Variants in YAF2 observed in about 807,000 individuals in gnomAD.
YAF2 encodes YY1-associated factor 2.
Under a neutral mutation model 20.1 loss-of-function variants are expected in YAF2, and 7 were observed. That is an observed-to-expected ratio of 0.35 (90% confidence interval 0.20 to 0.65). The LOEUF is 0.65. Among genes scored for constraint, YAF2 ranks in the 30% least tolerant of loss-of-function variants. YAF2 has a pLI of 0.69. For missense variants in YAF2, 151 were observed against 219.2 expected, an observed-to-expected ratio of 0.69 and a Z score of 1.96; for synonymous variants, 74 against 76.0, an observed-to-expected ratio of 0.97 and a Z score of 0.14.
intron 2 of YAF2, chr12:42,205,845 T>C: frequency 5.0e-6 from 2 of 402,886 alleles, no homozygotes; most frequent in Non-Finnish European, 1.0e-5. Context: ...CCAAGTACCA[T>C]TTTTGTGCAT....
At chr12:42,168,278 A>C (rs2065962180) in intron 2 of YAF2, among the ~76,000 whole-genome samples, 1 of 150,398 alleles carries the variant, frequency 6.6e-6, no homozygotes, top group African/African-American at 2.5e-5. Context: ...TTGTGGGTTC[A>C]AGTGATTCTC....
chr12:42,201,861 C>T (rs1003287396), intron 2 of YAF2, among the ~76,000 whole-genome samples: 9 of 152,276 alleles, frequency 5.9e-5, no homozygotes, highest in Admixed American at 5.9e-4. Flanking sequence ...GTATGAGTTA[C>T]CACACCCAGC....
intron 2 of YAF2, among the ~76,000 whole-genome samples, chr12:42,203,456 C>G (rs910868042): frequency 6.6e-6 from 1 of 151,822 alleles, no homozygotes; most frequent in African/African-American, 2.4e-5. Context: ...AGAGATATAT[C>G]TGTCTTACCC....
chr12:42,181,761 A>G (rs2066347348), intron 2 of YAF2, among the ~76,000 whole-genome samples: 1 of 152,258 alleles, frequency 6.6e-6, no homozygotes, highest in South Asian at 2.1e-4. Flanking sequence ...CAAGGCTTCA[A>G]TGGAATGTGG....
intron 2 of YAF2, chr12:42,232,358 C>T (rs540675236): frequency 1.1e-6 from 1 of 890,138 alleles, no homozygotes; most frequent in Non-Finnish European, 1.3e-6. Context: ...TAGAAAGCTT[C>T]AACTAAAAAG....
chr12:42,170,960 A>T (rs1020739916), intron 2 of YAF2, among the ~76,000 whole-genome samples: 3 of 152,192 alleles, frequency 2.0e-5, no homozygotes, highest in Admixed American at 1.3e-4. Flanking sequence ...AGAGAGCACT[A>T]GAGCAACGTA....
At chr12:42,212,538 AAC>A (rs779223139) in intron 2 of YAF2, 110 of 378,690 alleles carry the variant, frequency 2.9e-4, no homozygotes, top group Admixed American at 9.9e-4. Context: ...TCTAGTAACT[AAC>A]TCACCACTGA....
At chr12:42,210,133 G>A (rs192540690) in intron 2 of YAF2, among the ~76,000 whole-genome samples, 2 of 152,186 alleles carry the variant, frequency 1.3e-5, no homozygotes, top group East Asian at 3.9e-4. Flanking sequence ...CAGCTATTAC[G>A]TAAATAAGAT....
intron 2 of YAF2, among the ~76,000 whole-genome samples, chr12:42,225,571 G>C (rs1156989056): frequency 1.3e-5 from 2 of 152,144 alleles, no homozygotes; most frequent in Non-Finnish European, 2.9e-5. Flanking sequence ...GTAAGGAAGG[G>C]ATCCAGTTTC....
intron 2 of YAF2, among the ~76,000 whole-genome samples, chr12:42,193,108 A>G (rs7137140): frequency 0.015 from 2,290 of 152,232 alleles, 56 homozygotes; most frequent in African/African-American, 0.052. Flanking sequence ...AGAGGCCAGG[A>G]GTTTGAGACC....
chr12:42,195,491 T>C (rs2066726019), intron 2 of YAF2, among the ~76,000 whole-genome samples: 1 of 152,136 alleles, frequency 6.6e-6, no homozygotes, highest in African/African-American at 2.4e-5. Context: ...AAGTATCTTG[T>C]AAGGGACAGT....
At chr12:42,228,402 AG>A in intron 2 of YAF2, among the ~76,000 whole-genome samples, 1 of 54,682 alleles carries the variant, frequency 1.8e-5, no homozygotes, top group African/African-American at 1.0e-4. Context: ...CTGCCCGGCC[AG>A]CCGCCCCGTC....
chr12:42,193,367 T>C (rs1408794501), intron 2 of YAF2, among the ~76,000 whole-genome samples: 2 of 152,016 alleles, frequency 1.3e-5, no homozygotes, highest in Non-Finnish European at 2.9e-5. Flanking sequence ...TCCATAAAAC[T>C]TGACAATGAT....
chr12:42,165,784 T>G (rs1020297117), intron 2 of YAF2, among the ~76,000 whole-genome samples: 14 of 149,834 alleles, frequency 9.3e-5, no homozygotes, highest in African/African-American at 3.2e-4. Flanking sequence ...TTTTTTTTTT[T>G]TTTTTTTTTT....
chr12:42,210,838 T>G, intron 2 of YAF2: 1 of 566,144 alleles, frequency 1.8e-6, no homozygotes, highest in Non-Finnish European at 2.9e-6. Flanking sequence ...ACTTCTCACA[T>G]TATCAGAAAC....
chr12:42,234,149 C>T lies in YAF2; in HGVS notation c.152+3450G>A. ...TCACGCCACTGTACTCCAGCCTGGG[C>T]GACAGAGCAAGACTGTCTCAAATTC... On this transcript the variant is annotated intron_variant, in intron 2 of 3. Transcript: ENST00000534854. 6.4e-6 allele frequency: 6 copies of T among 939,522 alleles called. No homozygotes were observed. The South Asian group carries it at 1.5e-4, about 23-fold the overall frequency. The allele number at this position is 939,522 out of a possible 1,614,324, so 58.2% of individuals were successfully genotyped here.
chr12:42,170,147 C>A (rs1318063374), intron 2 of YAF2, among the ~76,000 whole-genome samples: 1 of 152,196 alleles, frequency 6.6e-6, no homozygotes, highest in East Asian at 1.9e-4. Flanking sequence ...GCTGGGGTTA[C>A]AGGCATGAGC....
intron 2 of YAF2, among the ~76,000 whole-genome samples, chr12:42,207,510 G>T (rs1315889068): frequency 1.3e-5 from 2 of 151,932 alleles, no homozygotes; most frequent in African/African-American, 2.4e-5. Flanking sequence ...CACTATACCA[G>T]CTTTTAAAGG....
chr12:42,172,971 G>C (rs1340436708), intron 2 of YAF2, among the ~76,000 whole-genome samples: 7 of 152,156 alleles, frequency 4.6e-5, no homozygotes, highest in Non-Finnish European at 2.9e-5. Flanking sequence ...AAGTAGACCT[G>C]TGGTTGCTCA....
Sources: allele counts gnomAD v4.1 joint callset (sites outside exome capture counted in the v4.1 genomes callset), GRCh38; gene constraint gnomAD v4.1.1; transcripts MANE v1.5; gene names NCBI Gene and HGNC (gene_info 2026-07-23, HGNC 2026-07-21).